ROR2: variants seen among roughly 807,000 people sequenced by gnomAD.
The protein encoded by ROR2 is ROR family WNT receptor 2, also known as tyrosine-protein kinase transmembrane receptor ROR2.
In ROR2, 33 loss-of-function variants were observed where a neutral mutation model predicts 74.9. The observed-to-expected ratio is 0.44, with a 90% CI of 0.33 to 0.59. The LOEUF (loss-of-function observed/expected upper bound fraction) is 0.59. Ranked by LOEUF, ROR2 falls within the 20% of genes least tolerant of loss-of-function variation. The pLI, the probability that ROR2 is intolerant of heterozygous loss-of-function variation, is 0.02. For missense variants in ROR2, 1,216 were observed against 1,313.8 expected (o/e 0.93, Z 1.15); for synonymous variants, 586 against 558.7 (o/e 1.05, Z -0.69).
chr9:91,941,951 C>T (rs552995679), intron 1 of ROR2, among the ~76,000 whole-genome samples: 6 of 152,148 alleles, frequency 3.9e-5, no homozygotes, highest in East Asian at 1.9e-4. Flanking sequence ...TCACCACGCC[C>T]GGCTAACTTT....
At chr9:91,785,962 A>G (rs968899187) in intron 1 of ROR2, among the ~76,000 whole-genome samples, 2 of 152,160 alleles carry the variant, frequency 1.3e-5, no homozygotes, top group African/African-American at 4.8e-5. Context: ...ACTCAACCAT[A>G]GAAAGAGCCA....
chr9:91,811,521 T>C (rs1827750264), intron 1 of ROR2, among the ~76,000 whole-genome samples: 1 of 152,146 alleles, frequency 6.6e-6, no homozygotes, highest in African/African-American at 2.4e-5. Context: ...CCCTCTCAAT[T>C]GCTAGAAGGG....
In ROR2 at chr9:91,893,702, G is replaced by A. The variant is rs151062123; in HGVS notation, c.97+56165C>T. On this transcript the variant is annotated intron_variant, in intron 1 of 8. Coordinates refer to ENST00000375708, the MANE Select transcript of ROR2 (RefSeq NM_004560.4). ...TATTCACATCCAAGACTCCTTCAAC[G>A]GCCAGTGCCTCTCCCTCTACCTTCA... Among the ~76,000 whole-genome samples the A allele has an allele frequency of 1.6e-3, 244 of 152,120 alleles. 1 individual carries two copies. Among genetic ancestry groups the A allele is most frequent in the African/African-American group, 5.6e-3 (234 of 41,522 alleles).
chr9:91,854,620 G>A (rs1156784655), intron 1 of ROR2, among the ~76,000 whole-genome samples: 8 of 152,278 alleles, frequency 5.3e-5, no homozygotes, highest in Non-Finnish European at 8.8e-5. Context: ...TTAAGGAGCC[G>A]AGGTCACGTG....
chr9:91,936,886 C>T (rs1006611580), intron 1 of ROR2, among the ~76,000 whole-genome samples: 30 of 150,722 alleles, frequency 2.0e-4, no homozygotes, highest in Non-Finnish European at 3.5e-4. Context: ...AAAAATTAGC[C>T]GGGCGTAGTG....
At chr9:91,802,895 T>C (rs1028176377) in intron 1 of ROR2, among the ~76,000 whole-genome samples, 1 of 152,030 alleles carries the variant, frequency 6.6e-6, no homozygotes, top group Admixed American at 6.5e-5. Context: ...TCAGCAGACA[T>C]TTCTCCAAAG....
chr9:91,943,705 G>A (rs1160420480), intron 1 of ROR2, among the ~76,000 whole-genome samples: 1 of 152,020 alleles, frequency 6.6e-6, no homozygotes, highest in East Asian at 1.9e-4. Flanking sequence ...CCAACATTAC[G>A]GTTTCTTTTC....
At chr9:91,885,269 C>T (rs970870907) in intron 1 of ROR2, among the ~76,000 whole-genome samples, 2 of 150,020 alleles carry the variant, frequency 1.3e-5, no homozygotes, top group Admixed American at 1.3e-4. Context: ...CAAAGGGCAC[C>T]GGAAAACTTT....
At chr9:91,894,256 T>C (rs1830486877) in intron 1 of ROR2, among the ~76,000 whole-genome samples, 1 of 152,208 alleles carries the variant, frequency 6.6e-6, no homozygotes, top group Non-Finnish European at 1.5e-5. Context: ...CTCTCAGACA[T>C]GCCAATGCTT....
intron 5 of ROR2, among the ~76,000 whole-genome samples, chr9:91,734,092 G>A (rs1208203623): frequency 3.9e-5 from 6 of 152,178 alleles, no homozygotes; most frequent in Admixed American, 1.3e-4. Context: ...TTTTTTAAGG[G>A]CAAGATGTCA....
intron 1 of ROR2, among the ~76,000 whole-genome samples, chr9:91,932,670 AAAAG>A (rs1320621545): frequency 1.3e-5 from 2 of 152,044 alleles, no homozygotes; most frequent in Non-Finnish European, 2.9e-5. Context: ...TCAAAAAAAA[AAAAG>A]AAAGAAAGAA....
intron 1 of ROR2, among the ~76,000 whole-genome samples, chr9:91,926,570 C>T (rs1171425751): frequency 1.6e-4 from 23 of 145,058 alleles, no homozygotes; most frequent in Non-Finnish European, 3.1e-5. Context: ...AGAAGACATC[C>T]TATATTTATC....
At chr9:91,783,090 C>T (rs1206637706) in intron 1 of ROR2, among the ~76,000 whole-genome samples, 4 of 152,104 alleles carry the variant, frequency 2.6e-5, no homozygotes, top group African/African-American at 9.7e-5. Context: ...CATGGCTTCT[C>T]CTTCCATCTC....
chr9:91,847,972 A>C (rs1179876980), intron 1 of ROR2, among the ~76,000 whole-genome samples: 3 of 152,202 alleles, frequency 2.0e-5, no homozygotes, highest in Non-Finnish European at 4.4e-5. Context: ...TGTGAAACAG[A>C]TGAGCCTTTT....
Position 91,723,437 on chromosome 9 carries a change from G to A in ROR2, c.*225C>T, listed in dbSNP as rs1011689349. On this transcript the variant is annotated 3_prime_UTR_variant, in exon 9 of 9. Transcript: ENST00000375708. ...GACCATGTGTCCTGCTCCCCAGGAC[G>A]CCGTGCTGCCAGACCCCCTGCCTGG... 1.9e-5 allele frequency: 12 copies of A among 617,274 alleles called. No individual in the cohort carries two copies. The highest frequency in any genetic ancestry group is 3.4e-5 in the Non-Finnish European group (12 of 355,648). The allele number at this position is 617,274 out of a possible 1,614,324, so 38.2% of individuals were successfully genotyped here.
chr9:91,910,833 T>C (rs1405819730), intron 1 of ROR2, among the ~76,000 whole-genome samples: 1 of 152,086 alleles, frequency 6.6e-6, no homozygotes, highest in Non-Finnish European at 1.5e-5. Flanking sequence ...CCAGCTAATT[T>C]TTGTATTTTT....
At position 91,835,065 on chromosome 9, in the gene ROR2, T is replaced by C. The variant is rs114408062; in HGVS notation, c.98-59247A>G. ...AGGCATGTCTTACAACACATGGTGA[T>C]GGAGCTGAAGATGCCTAAAGAGACC... On this transcript the variant is annotated intron_variant, in intron 1 of 8. Coordinates refer to ENST00000375708, the MANE Select transcript of ROR2 (RefSeq NM_004560.4). Among the ~76,000 whole-genome samples the C allele has an allele frequency of 5.4e-3, 825 of 151,732 alleles. 12 individuals carry two copies. Among genetic ancestry groups the C allele is most frequent in the African/African-American group, 0.019 (765 of 41,034 alleles).
chr9:91,885,329 G>C (rs1830241536), intron 1 of ROR2, among the ~76,000 whole-genome samples: 1 of 152,170 alleles, frequency 6.6e-6, no homozygotes, highest in South Asian at 2.1e-4. Context: ...GGTAGGGCAG[G>C]GTGTGGAGGG....
At chr9:91,820,107 A>C (rs1828093451) in intron 1 of ROR2, among the ~76,000 whole-genome samples, 1 of 152,156 alleles carries the variant, frequency 6.6e-6, no homozygotes, top group Admixed American at 6.5e-5. Context: ...CTATCTTTGT[A>C]ATCTTTTTCC....
Sources: gnomAD v4.1 joint callset for allele counts (sites outside exome capture counted in the v4.1 genomes callset) on GRCh38, gnomAD v4.1.1 for gene constraint, MANE v1.5 for transcripts, NCBI Gene and HGNC (gene_info 2026-07-23, HGNC 2026-07-21) for gene names.